PHKA1: variants seen among roughly 807,000 people sequenced by gnomAD.
PHKA1 encodes the protein phosphorylase kinase regulatory subunit alpha 1.
PHKA1 carries 60 observed loss-of-function variants against 110.2 expected under a neutral mutation model. The observed-to-expected ratio is 0.54, with a 90% CI of 0.44 to 0.68. The LOEUF is 0.68. PHKA1 is among the 30% of genes least tolerant of loss of function. The pLI is 0.00. For synonymous variants in PHKA1, 316 were observed against 333.6 expected (o/e 0.95, Z 0.58); for missense variants, 801 against 942.5 (o/e 0.85, Z 1.97).
Position 72,620,915 on chromosome X carries a change from G to C in PHKA1, c.1961-14C>G, listed in dbSNP as rs782386885. ...CACCACAGCGAGCTGCAAGGTTAGT[G>C]GGGGGAGGGGGAAGAGAAAAGAATG... On this transcript the variant is annotated splice_polypyrimidine_tract_variant and intron_variant, in intron 18 of 31. Coordinates refer to ENST00000373542, the MANE Select transcript of PHKA1 (RefSeq NM_002637.4). The C allele has an allele frequency of 2.8e-5, 34 of 1,203,798 alleles. No homozygotes were observed. In the Admixed American group the frequency reaches 6.6e-4, roughly 23 times the overall value.
intron 3 of PHKA1, among the ~76,000 whole-genome samples, chrX:72,696,388 T>C (rs1430323877): frequency 2.7e-5 from 3 of 111,589 alleles, no homozygotes; most frequent in Non-Finnish European, 3.8e-5. Context: ...AAGGAAAATA[T>C]CTTGGGCCCC....
intron 16 of PHKA1, among the ~76,000 whole-genome samples, chrX:72,631,988 TTAATC>T (rs1452195365): frequency 3.6e-5 from 4 of 112,389 alleles, no homozygotes; most frequent in Non-Finnish European, 5.6e-5. Flanking sequence ...GACTTTCTCT[TTAATC>T]TAATAATTAT....
At chrX:72,646,944 A>G (rs2053367740) in intron 13 of PHKA1, among the ~76,000 whole-genome samples, 1 of 110,054 alleles carries the variant, frequency 9.1e-6, no homozygotes, top group Non-Finnish European at 1.9e-5. Flanking sequence ...CAGCCTGGCC[A>G]ACATGGTGAA....
intron 29 of PHKA1, among the ~76,000 whole-genome samples, chrX:72,586,764 C>T (rs1482306654): frequency 2.7e-5 from 3 of 110,040 alleles, no homozygotes; most frequent in Admixed American, 2.0e-4. Context: ...CAAACCACGG[C>T]ACAAGAACTA....
At chrX:72,590,152 T>A (rs1198711300) in intron 29 of PHKA1, among the ~76,000 whole-genome samples, 3 of 111,645 alleles carry the variant, frequency 2.7e-5, no homozygotes, top group Admixed American at 9.5e-5. Context: ...GCTGGAGGCA[T>A]CACGCTACCT....
In PHKA1 at chrX:72,676,763, T is replaced by C. The variant is rs782673414; in HGVS notation, c.538-613A>G. Among the ~76,000 whole-genome samples the C allele has an allele frequency of 2.7e-5, 3 of 111,906 alleles. No homozygotes were observed. The East Asian group carries it at 8.4e-4, about 31-fold the overall frequency. ...AGCTCTATAAATCCCCTGAATCATATAGCCTTTAAAATTACTTTTAAAAAC... is the reference window on the plus strand; with the variant it reads ...AGCTCTATAAATCCCCTGAATCATACAGCCTTTAAAATTACTTTTAAAAAC... On this transcript the variant is annotated intron_variant, in intron 5 of 31. Coordinates refer to ENST00000373542, the MANE Select transcript of PHKA1 (RefSeq NM_002637.4).
chrX:72,656,055 T>C, intron 10 of PHKA1, 65 bp downstream of exon 10: 1 of 1,152,245 alleles, frequency 8.7e-7, no homozygotes, highest in Middle Eastern at 2.4e-4. Context: ...AGGGTTGGTA[T>C]ACTATTAGCT....
At position 72,608,040 on chromosome X, in the gene PHKA1, C is replaced by T. The variant is rs782445367; in HGVS notation, c.2606+1584G>A. On this transcript the variant is annotated intron_variant, in intron 23 of 31. Transcript: ENST00000373542. Reference sequence around the variant, plus strand: ...TTTTCTTAAGCAGAAGGAGTCTCTCCCTATACCCACCACGGCTGGGCATGT... The same window carrying T: ...TTTTCTTAAGCAGAAGGAGTCTCTCTCTATACCCACCACGGCTGGGCATGT... Among the ~76,000 whole-genome samples the T allele has an allele frequency of 5.4e-5, 6 of 111,202 alleles. No individual in the cohort carries two copies. The East Asian group carries it at 1.7e-3, about 32-fold the overall frequency.
intron 8 of PHKA1, among the ~76,000 whole-genome samples, 167 bp downstream of exon 8, chrX:72,665,984 G>A (rs2147779631): frequency 8.9e-6 from 1 of 112,139 alleles, no homozygotes; most frequent in South Asian, 3.7e-4. Flanking sequence ...TTGCTACCAG[G>A]AACGGCTGTA....
intron 21 of PHKA1, 76 bp downstream of exon 21, chrX:72,618,634 A>T (rs782568092): frequency 1.1e-6 from 1 of 896,949 alleles, no homozygotes; most frequent in East Asian, 3.1e-5. Context: ...AAACTCCAAA[A>T]GCTGTGCTCT....
At chrX:72,589,422 A>G (rs1416983187) in intron 29 of PHKA1, among the ~76,000 whole-genome samples, 3 of 111,863 alleles carry the variant, frequency 2.7e-5, no homozygotes. Flanking sequence ...TTGATGGAAC[A>G]TATCTCAAAA....
chrX:72,688,463 A>G (rs2053994855), intron 4 of PHKA1, among the ~76,000 whole-genome samples: 2 of 112,453 alleles, frequency 1.8e-5, no homozygotes, highest in African/African-American at 3.2e-5. Context: ...TGAAACTGGT[A>G]TTATTCATCT....
rs7881093 is a variant in PHKA1, at chrX:72,645,768, G to A, written c.1325-1272C>T. Among the ~76,000 whole-genome samples the A allele has an allele frequency of 7.4e-3, 827 of 112,010 alleles. 12 individuals carry two copies. The highest frequency in any genetic ancestry group is 0.025 in the African/African-American group (779 of 30,782). ...CCCTCAAGGAGCTCACAGTGTAACC[G>A]AAGTGGCATACACATGGATTGTAAA... On this transcript the variant is annotated intron_variant, in intron 13 of 31. Coordinates refer to ENST00000373542, the MANE Select transcript of PHKA1 (RefSeq NM_002637.4).
Position 72,611,112 on chromosome X carries a change from A to G in PHKA1, c.2442T>C (p.Tyr814=). ...ATVRELLTEL[Y]GKVGEIRHWG... The stretch of plus-strand genomic sequence containing the variant: ...AGTGACGAATTTCTCCCACTTTGCC[A>G]TACAGCTCGGTAAGAAGCTCTCTCA... Residue 814 remains tyrosine, a synonymous_variant, in exon 22 of 32, where the codon TAT becomes TAC. Transcript: ENST00000373542. 1 of 1,203,002 alleles carries G rather than the reference A, an allele frequency of 8.3e-7. No homozygotes were observed. The highest frequency in any genetic ancestry group is 1.8e-5 in the South Asian group (1 of 56,715).
At chrX:72,697,397 G>A (rs989995263) in intron 3 of PHKA1, among the ~76,000 whole-genome samples, 6 of 110,474 alleles carry the variant, frequency 5.4e-5, no homozygotes, top group Admixed American at 9.6e-5. Flanking sequence ...TTTTTTAAAA[G>A]AGCTCAATGG....
intron 17 of PHKA1, among the ~76,000 whole-genome samples, chrX:72,625,778 G>A (rs2053054008): frequency 9.0e-6 from 1 of 111,349 alleles, no homozygotes. Flanking sequence ...AGATTCTCAT[G>A]TCTCAGCCTC....
chrX:72,621,879 G>A lies in PHKA1; in HGVS notation c.1961-978C>T, dbSNP rs1039413867. 16 of 751,168 alleles carry A rather than the reference G, an allele frequency of 2.1e-5. No individual in the cohort carries two copies. The African/African-American group carries it at 3.5e-4, about 16-fold the overall frequency. 61.9% of individuals were successfully genotyped at this position (751,168 alleles called of 1,213,427 possible). A position where few individuals can be genotyped will look rare whatever the true frequency, so the allele number is the denominator to read the frequency against. The stretch of plus-strand genomic sequence containing the variant: ...TTTGAGAACACTGATGAGTAAACCC[G>A]GAACTAGGAAAGTGACTCAGAATGC... On this transcript the variant is annotated intron_variant, in intron 18 of 31. Coordinates refer to ENST00000373542, the MANE Select transcript of PHKA1 (RefSeq NM_002637.4).
chrX:72,630,774 T>A (rs1556286882), intron 16 of PHKA1, among the ~76,000 whole-genome samples: 1 of 110,580 alleles, frequency 9.0e-6, no homozygotes, highest in Admixed American at 9.7e-5. Context: ...TTACCATGTT[T>A]AAGATTTTCT....
intron 12 of PHKA1, among the ~76,000 whole-genome samples, chrX:72,652,174 G>A (rs1835879238): frequency 8.9e-6 from 1 of 112,262 alleles, no homozygotes; most frequent in Non-Finnish European, 1.9e-5. Flanking sequence ...AATGAAACAT[G>A]TTGCTTGGAA....
Sources: gnomAD v4.1 joint callset for allele counts (sites outside exome capture counted in the v4.1 genomes callset) on GRCh38, gnomAD v4.1.1 for gene constraint, MANE v1.5 for transcripts, NCBI Gene and HGNC (gene_info 2026-07-23, HGNC 2026-07-21) for gene names.